The following U2SURP variants were observed in gnomAD, a reference collection of about 807,000 sequenced individuals.
U2SURP encodes the protein U2 snRNP-associated SURP motif-containing protein.
A neutral mutation model predicts 144.9 loss-of-function variants in U2SURP; 9 were observed. The observed-to-expected ratio is 0.06, with a 90% confidence interval of 0.04 to 0.11. The LOEUF is 0.11. U2SURP is among the 10% of genes least tolerant of loss of function. The pLI, the probability that U2SURP is intolerant of heterozygous loss-of-function variation, is 1.00. For missense variants in U2SURP, 724 were observed against 1,226.7 expected, an observed-to-expected ratio of 0.59 and a Z score of 6.12; for synonymous variants, 408 against 396.8, an observed-to-expected ratio of 1.03 and a Z score of -0.33.
intron 20 of U2SURP, chr3:143,036,851 T>C (rs529263121): frequency 7.0e-6 from 2 of 286,826 alleles, no homozygotes; most frequent in South Asian, 5.5e-5. Flanking sequence ...AAGTATATAT[T>C]GTTGTGATGA....
chr3:143,042,387 A>C (rs1044967401), intron 23 of U2SURP, among the ~76,000 whole-genome samples: 5 of 152,096 alleles, frequency 3.3e-5, no homozygotes, highest in African/African-American at 9.7e-5. Context: ...TATTTTCTAG[A>C]TTGATTATAG....
At chr3:143,011,003 C>A in intron 2 of U2SURP, 144 bp downstream of exon 2, 1 of 544,172 alleles carries the variant, frequency 1.8e-6, no homozygotes, top group Non-Finnish European at 3.0e-6. Context: ...TAGGCGCCTT[C>A]CTTTTTTTTT....
intron 27 of U2SURP, 21 bp downstream of exon 27, chr3:143,055,140 C>T (rs1216648663): frequency 6.5e-7 from 1 of 1,537,548 alleles, no homozygotes; most frequent in African/African-American, 1.4e-5. Flanking sequence ...GTCATTTTTG[C>T]TAATATTTCA....
At chr3:143,045,047 GCTC>G (rs1458958411) in intron 24 of U2SURP, among the ~76,000 whole-genome samples, 2 of 152,084 alleles carry the variant, frequency 1.3e-5, no homozygotes, top group Non-Finnish European at 2.9e-5. Context: ...ACCTACACAT[GCTC>G]CTCTTTTACT....
intron 23 of U2SURP, among the ~76,000 whole-genome samples, chr3:143,039,673 T>C (rs1933997858): frequency 6.6e-6 from 1 of 150,874 alleles, no homozygotes; most frequent in African/African-American, 2.4e-5. Flanking sequence ...TTACTGTCTT[T>C]AAAAATTTTG....
intron 15 of U2SURP, 35 bp downstream of exon 15, chr3:143,028,441 C>CT (rs774458919): frequency 1.2e-6 from 2 of 1,609,378 alleles, no homozygotes; most frequent in Admixed American, 1.7e-5. Context: ...AATTTTGACT[C>CT]TGAGTAATTA....
chr3:143,050,898 A>T, intron 24 of U2SURP, 41 bp from the exon 25 acceptor site: 2 of 1,350,570 alleles, frequency 1.5e-6, no homozygotes, highest in South Asian at 2.6e-5. Flanking sequence ...GAGAATCTAG[A>T]ATGATGAAAA....
chr3:143,028,794 A>C (rs930584593), intron 16 of U2SURP, 148 bp downstream of exon 16: 1 of 700,672 alleles, frequency 1.4e-6, no homozygotes, highest in Non-Finnish European at 2.3e-6. Flanking sequence ...CATGTGCTTT[A>C]TAATTTTAAA....
intron 13 of U2SURP, chr3:143,025,674 A>G (rs1479391642): frequency 6.6e-6 from 1 of 152,182 alleles, no homozygotes; most frequent in Non-Finnish European, 1.5e-5. Context: ...TTAAATAGAA[A>G]ATTAAGCAAT....
intron 25 of U2SURP, 102 bp from the exon 26 acceptor site, chr3:143,053,574 T>A (rs1026592057): frequency 6.4e-5 from 56 of 874,178 alleles, no homozygotes; most frequent in Middle Eastern, 6.4e-4. Flanking sequence ...TAAGTAGTAA[T>A]TTAAAAAATT....
Position 143,047,734 on chromosome 3 carries a change from G to A in U2SURP, c.2545-3205G>A, listed in dbSNP as rs1490303154. 6.5e-4 allele frequency among the ~76,000 whole-genome samples: 50 copies of A among 77,380 alleles called. 2 individuals are homozygous for A. The highest frequency in any genetic ancestry group is 2.6e-3 in the African/African-American group (50 of 19,466). 50.8% of individuals were successfully genotyped at this position (77,380 alleles called of 152,430 possible). A position where few individuals can be genotyped will look rare whatever the true frequency, so the allele number is the denominator to read the frequency against. The stretch of plus-strand genomic sequence containing the variant: ...GCGCCCCTCACCTCCCGGACTGGGC[G>A]GCTGGCCGGGCGGGGGGCTGACCCT... On this transcript the variant is annotated intron_variant, in intron 24 of 27. Transcript: ENST00000473835.
Position 143,055,125 on chromosome 3 carries a change from T to A in U2SURP, c.2951+6T>A. 6.4e-7 allele frequency: 1 copy of A among 1,569,182 alleles called. No individual in the cohort carries two copies. The highest frequency in any genetic ancestry group is 8.6e-7 in the Non-Finnish European group (1 of 1,163,182). On this transcript the variant is annotated splice_donor_region_variant and intron_variant, in intron 27 of 27. Coordinates refer to ENST00000473835, the MANE Select transcript of U2SURP (RefSeq NM_001080415.2). ...GTTAGCAAAAAAGCCAAAAGGTAAA[T>A]GCAAGTCATTTTTGCTAATATTTCA... is the stretch of plus-strand genomic sequence containing the variant.
At chr3:143,040,235 G>T (rs1046942111) in intron 23 of U2SURP, among the ~76,000 whole-genome samples, 1 of 151,814 alleles carries the variant, frequency 6.6e-6, no homozygotes, top group African/African-American at 2.4e-5. Flanking sequence ...ACTGATATTT[G>T]TGTTAATGTT....
At chr3:143,010,733 C>CTT in intron 1 of U2SURP, 82 bp from the exon 2 acceptor site, 1 of 1,100,204 alleles carries the variant, frequency 9.1e-7, no homozygotes, top group Non-Finnish European at 1.3e-6. Flanking sequence ...TTAGGAAACT[C>CTT]TTAAGTTTGT....
chr3:143,016,427 C>A, intron 5 of U2SURP, 56 bp downstream of exon 5: 2 of 1,461,074 alleles, frequency 1.4e-6, no homozygotes, highest in Non-Finnish European at 1.9e-6. Context: ...AGTTTTTGAG[C>A]GAGCCCCATC....
chr3:143,030,920 A>G (rs969897871), intron 16 of U2SURP, among the ~76,000 whole-genome samples: 1 of 152,176 alleles, frequency 6.6e-6, no homozygotes, highest in African/African-American at 2.4e-5. Context: ...AATCCGTTTC[A>G]GTTTTTTTGC....
Position 143,020,634 on chromosome 3 carries a change from A to T in U2SURP, c.674A>T (p.Lys225Ile). ...GAACGTGATGAGAGACATAAAACAA[A>T]AGGCAGATTAAGTCGATTTGAACCT... ...QEERDERHKT[K>I]GRLSRFEPPQ... Residue 225 changes from lysine to isoleucine, a missense_variant, in exon 8 of 28, where the codon AAA becomes ATA. Transcript: ENST00000473835. 1 of 1,613,114 alleles carries T rather than the reference A, an allele frequency of 6.2e-7. No individual in the cohort carries two copies. The highest frequency in any genetic ancestry group is 8.5e-7 in the Non-Finnish European group (1 of 1,179,512).
intron 4 of U2SURP, among the ~76,000 whole-genome samples, chr3:143,014,668 G>C (rs982071425): frequency 1.3e-4 from 20 of 152,068 alleles, no homozygotes; most frequent in Admixed American, 1.3e-3. Flanking sequence ...AAGTGTATGT[G>C]TGTGTAGACA....
chr3:143,056,787 C>G lies in U2SURP; in HGVS notation c.*337C>G, dbSNP rs936346452. 1 of 190,432 alleles carries G rather than the reference C, an allele frequency of 5.3e-6. No individual in the cohort carries two copies. The highest frequency in any genetic ancestry group is 2.4e-5 in the African/African-American group (1 of 42,488). The allele number at this position is 190,432 out of a possible 1,614,324, so 11.8% of individuals were successfully genotyped here. On this transcript the variant is annotated 3_prime_UTR_variant, in exon 28 of 28. Transcript: ENST00000473835. ...AAAAATAATACAGATGTCTTCCCCC[C>G]TTTTGTAGCTTTGACAATTTGAATT...
Sources: allele counts gnomAD v4.1 joint callset (sites outside exome capture counted in the v4.1 genomes callset), GRCh38; gene constraint gnomAD v4.1.1; transcripts MANE v1.5; gene names NCBI Gene and HGNC (gene_info 2026-07-23, HGNC 2026-07-21).